LSMEM2: variants seen among roughly 807,000 people sequenced by gnomAD.
LSMEM2 encodes the protein leucine-rich single-pass membrane protein 2.
In LSMEM2, 20 loss-of-function variants were observed where a neutral mutation model predicts 17.3. The observed-to-expected ratio is 1.16, with a 90% CI of 0.81 to 1.68. LSMEM2 has a LOEUF of 1.68. LSMEM2 is among the 40% of genes most tolerant of loss of function. The pLI is 0.00. For synonymous variants in LSMEM2, 94 were observed against 97.8 expected (o/e 0.96, Z 0.23); for missense variants, 207 against 214.3 (o/e 0.97, Z 0.21).
chr3:50,279,051 C>A, upstream of LSMEM2: 2 of 1,560,526 alleles, frequency 1.3e-6, no homozygotes, highest in Non-Finnish European at 1.8e-6. Context: ...GGCTGGGAGG[C>A]AGCCAGGCCT....
At chr3:50,283,832 G>A (rs1701455396) in intron 1 of LSMEM2, among the ~76,000 whole-genome samples, 1 of 152,010 alleles carries the variant, frequency 6.6e-6, no homozygotes. Context: ...CAATGAGTGT[G>A]AAAGTACATA....
intron 3 of LSMEM2, 98 bp from the exon 4 acceptor site, chr3:50,286,971 T>C (rs1270364625): frequency 1.3e-6 from 2 of 1,587,898 alleles, no homozygotes; most frequent in Middle Eastern, 1.7e-4. Flanking sequence ...CAGTGAAGGA[T>C]GGGGCGGGAG....
At chr3:50,278,719 A>G (rs1575479356), upstream of LSMEM2, among the ~76,000 whole-genome samples, 2 of 152,120 alleles carry the variant, frequency 1.3e-5, no homozygotes, top group South Asian at 4.1e-4. Context: ...TGCTGGGAGG[A>G]GAGATGACTG....
chr3:50,285,406 G>A (rs1443710126), intron 1 of LSMEM2, among the ~76,000 whole-genome samples: 3 of 151,744 alleles, frequency 2.0e-5, no homozygotes, highest in Non-Finnish European at 4.4e-5. Context: ...TTGGAAGGCC[G>A]AGGCGGGCAG....
intron 1 of LSMEM2, among the ~76,000 whole-genome samples, chr3:50,285,605 A>G (rs1701499359): frequency 6.6e-6 from 1 of 152,178 alleles, no homozygotes; most frequent in South Asian, 2.1e-4. Context: ...ACGACATAGC[A>G]CTCCAGCCTG....
At chr3:50,285,807 G>A (rs1553708314) in intron 1 of LSMEM2, among the ~76,000 whole-genome samples, 2 of 151,832 alleles carry the variant, frequency 1.3e-5, no homozygotes, top group East Asian at 1.9e-4. Flanking sequence ...GCGCCATTGC[G>A]CTCCAGCCTG....
chr3:50,286,361 A>G, intron 1 of LSMEM2, 110 bp from the exon 2 acceptor site: 1 of 1,441,106 alleles, frequency 6.9e-7, no homozygotes. Flanking sequence ...ATTTGGAACC[A>G]AATGTCCCAC....
At chr3:50,281,452 T>C (rs1165490946) in intron 1 of LSMEM2, among the ~76,000 whole-genome samples, 1 of 146,144 alleles carries the variant, frequency 6.8e-6, no homozygotes, top group Non-Finnish European at 1.5e-5. Flanking sequence ...AACCTCTGCC[T>C]CCCAGGTTCA....
chr3:50,281,355 C>T (rs1468704978), intron 1 of LSMEM2, among the ~76,000 whole-genome samples: 27 of 144,862 alleles, frequency 1.9e-4, no homozygotes, highest in Middle Eastern at 8.5e-3. Context: ...CCACTGCGCC[C>T]GGCCCTTTTT....
At chr3:50,285,393 A>G (rs1219504325) in intron 1 of LSMEM2, among the ~76,000 whole-genome samples, 2 of 151,670 alleles carry the variant, frequency 1.3e-5, no homozygotes, top group East Asian at 3.9e-4. Context: ...AAATGCCAGG[A>G]CTTTGGAAGG....
At chr3:50,280,823 G>A (rs1343998938) in intron 1 of LSMEM2, among the ~76,000 whole-genome samples, 1 of 151,584 alleles carries the variant, frequency 6.6e-6, no homozygotes, top group Non-Finnish European at 1.5e-5. Flanking sequence ...TCGATCTTCT[G>A]ACCTCGTGAT....
At chr3:50,286,613 T>C (rs1553708521) in intron 2 of LSMEM2, 29 bp downstream of exon 2, 4 of 1,611,352 alleles carry the variant, frequency 2.5e-6, no homozygotes. Flanking sequence ...GTGGATGATG[T>C]GCTGGGGGAG....
At chr3:50,282,191 G>A (rs1405854542) in intron 1 of LSMEM2, among the ~76,000 whole-genome samples, 3 of 151,794 alleles carry the variant, frequency 2.0e-5, no homozygotes, top group Non-Finnish European at 2.9e-5. Flanking sequence ...GTCTCCCTAC[G>A]TTGCCCTGGC....
intron 1 of LSMEM2, among the ~76,000 whole-genome samples, chr3:50,282,875 C>G (rs1303031610): frequency 2.0e-5 from 3 of 149,838 alleles, no homozygotes; most frequent in African/African-American, 7.4e-5. Flanking sequence ...CACAGTAAGA[C>G]TCTGTCTCAA....
chr3:50,278,394 T>C (rs1553707335), upstream of LSMEM2, among the ~76,000 whole-genome samples: 1 of 152,178 alleles, frequency 6.6e-6, no homozygotes. Flanking sequence ...CCGTGGATTG[T>C]GCTAAATGCT....
At chr3:50,283,943 C>T (rs907206297) in intron 1 of LSMEM2, among the ~76,000 whole-genome samples, 4 of 152,202 alleles carry the variant, frequency 2.6e-5, no homozygotes, top group Non-Finnish European at 4.4e-5. Context: ...TGGTGGCTTG[C>T]GCCTATAATC....
chr3:50,278,891 G>A (rs1230935304), upstream of LSMEM2: 2 of 570,556 alleles, frequency 3.5e-6, no homozygotes, highest in African/African-American at 3.8e-5. Flanking sequence ...CTGGGCACCT[G>A]GACTAGTGGA....
In LSMEM2 at chr3:50,288,088, A is replaced by AAAAAT. The variant is rs1201411534; in HGVS notation, c.*890_*894dup. The AAAAAT allele has an allele frequency of 1.4e-5, 16 of 1,128,830 alleles. No homozygotes were observed. In the Admixed American group the frequency reaches 3.3e-4, roughly 24 times the overall value. 69.9% of individuals were successfully genotyped at this position (1,128,830 alleles called of 1,614,324 possible). On this transcript the variant is annotated 3_prime_UTR_variant, in exon 4 of 4. Transcript: ENST00000316436. ...GTCTGTTTTTGGTTTTGTCATTAAA[A>AAAAAT]AAAATAAAGTGACAAATACTGGTGG...
chr3:50,286,252 T>A (rs1423296899), intron 1 of LSMEM2: 7 of 231,460 alleles, frequency 3.0e-5, no homozygotes, highest in Non-Finnish European at 3.6e-5. Context: ...AGGAAACAAA[T>A]CAAATGTACC....
Sources: allele counts gnomAD v4.1 joint callset (sites outside exome capture counted in the v4.1 genomes callset), GRCh38; gene constraint gnomAD v4.1.1; transcripts MANE v1.5; gene names NCBI Gene and HGNC (gene_info 2026-07-23, HGNC 2026-07-21).